Variants in TIAM1 observed in about 807,000 individuals in gnomAD.
TIAM1 encodes rho guanine nucleotide exchange factor TIAM1.
Under a neutral mutation model 163.5 loss-of-function variants are expected in TIAM1, and 65 were observed. The ratio of observed to expected loss-of-function variants is 0.40; its 90% CI spans 0.33 to 0.49. The LOEUF (loss-of-function observed/expected upper bound fraction) is 0.49. Ranked by LOEUF, TIAM1 falls within the 20% of genes least tolerant of loss-of-function variation. The pLI, the probability that TIAM1 is intolerant of heterozygous loss-of-function variation, is 0.77. For missense variants in TIAM1, 1,789 were observed against 2,044.7 expected (o/e 0.87, Z 2.41); for synonymous variants, 833 against 810.1 (o/e 1.03, Z -0.48).
At chr21:31,418,378 TG>T (rs1329214745) in intron 2 of TIAM1, among the ~76,000 whole-genome samples, 1 of 146,104 alleles carries the variant, frequency 6.8e-6, no homozygotes, top group Non-Finnish European at 1.5e-5. Flanking sequence ...AGTTGCCCTC[TG>T]GCTACTGTTT....
At chr21:31,519,734 A>G (rs1407173280) in intron 1 of TIAM1, among the ~76,000 whole-genome samples, 1 of 152,190 alleles carries the variant, frequency 6.6e-6, no homozygotes, top group African/African-American at 2.4e-5. Context: ...AAAGGGAAGG[A>G]AATTCTGGCA....
At chr21:31,505,472 C>A in intron 1 of TIAM1, among the ~76,000 whole-genome samples, 1 of 152,122 alleles carries the variant, frequency 6.6e-6, no homozygotes, top group Non-Finnish European at 1.5e-5. Flanking sequence ...GCCAAGCTCA[C>A]TGGTGTCATT....
At position 31,202,913 on chromosome 21, in the gene TIAM1, C is replaced by G. The variant is rs1293753315; in HGVS notation, c.2488G>C (p.Glu830Gln). 2.5e-6 allele frequency: 4 copies of G among 1,613,606 alleles called. No homozygotes were observed. The highest frequency in any genetic ancestry group is 2.5e-6 in the Non-Finnish European group (3 of 1,179,678). ...YVPQPEEDIY[E>Q]LLYKEIEICP... ...GACAACAGTCATAACATTACCAGCT[C>G]ATAGATGTCTTCCTCGGGCTGTGGA... Residue 830 changes from glutamate (E) to glutamine (Q), a missense_variant, in exon 12 of 28, where the codon GAG becomes CAG. Coordinates refer to ENST00000541036, the MANE Select transcript of TIAM1 (RefSeq NM_001353694.2).
rs184461489 is a variant in TIAM1 at position 31,441,922 on chromosome 21, G to A, written c.-369+22061C>T. On this transcript the variant is annotated intron_variant, in intron 2 of 28. Transcript: ENST00000286827. ...AATACAAAAATTAGCCAGGCAGGGT[G>A]GCACATGCCTGGAGTCTCAGCTACT... Among the ~76,000 whole-genome samples the A allele has an allele frequency of 8.2e-3, 1,222 of 149,380 alleles. 12 individuals are homozygous for A. Among genetic ancestry groups the A allele is most frequent in the Middle Eastern group, 0.028 (8 of 290 alleles).
chr21:31,358,604 T>C (rs2076353882), intron 2 of TIAM1, among the ~76,000 whole-genome samples: 1 of 152,156 alleles, frequency 6.6e-6, no homozygotes, highest in Admixed American at 6.5e-5. Context: ...TTGCCTTCCC[T>C]TTCCTTTCAC....
At chr21:31,134,786 C>T (rs2082555595) in intron 23 of TIAM1, among the ~76,000 whole-genome samples, 2 of 152,192 alleles carry the variant, frequency 1.3e-5, no homozygotes, top group Admixed American at 1.3e-4. Context: ...GCTGGGATTA[C>T]AGGTGTGAGC....
At chr21:31,249,737 AAC>A (rs926149671) in intron 5 of TIAM1, among the ~76,000 whole-genome samples, 7 of 152,124 alleles carry the variant, frequency 4.6e-5, no homozygotes, top group African/African-American at 1.7e-4. Context: ...ATAACCCTGT[AAC>A]ACCTCCAAGT....
At chr21:31,124,411 G>GC (rs2082110773) in intron 27 of TIAM1, 111 bp downstream of exon 27, 1 of 1,450,378 alleles carries the variant, frequency 6.9e-7, no homozygotes, top group African/African-American at 1.4e-5. Context: ...TCCTACATCA[G>GC]CCCCCACCAG....
rs140552992 is a variant in TIAM1, at chr21:31,301,660, C to T, written c.-188-24752G>A. Reference sequence around the variant, plus strand: ...TTCGAGACAAGCCTGGCCAACATGGCGAAACCCCCTCTTTACTAAAAATAT... The same window carrying T: ...TTCGAGACAAGCCTGGCCAACATGGTGAAACCCCCTCTTTACTAAAAATAT... On this transcript the variant is annotated intron_variant, in intron 2 of 27. Transcript: ENST00000541036. Among the ~76,000 whole-genome samples the T allele has an allele frequency of 4.4e-3, 665 of 151,920 alleles. 4 individuals carry two copies. Among genetic ancestry groups the T allele is most frequent in the African/African-American group, 0.015 (624 of 41,436 alleles).
chr21:31,546,033 C>T (rs971849917), intron 1 of TIAM1, among the ~76,000 whole-genome samples: 1 of 151,262 alleles, frequency 6.6e-6, no homozygotes, highest in African/African-American at 2.4e-5. Flanking sequence ...AAATAAGTTG[C>T]TTTTATACAG....
At chr21:31,136,102 G>A (rs1317491339) in intron 22 of TIAM1, 61 bp from the exon 23 acceptor site, 4 of 1,407,058 alleles carry the variant, frequency 2.8e-6, no homozygotes, top group African/African-American at 2.8e-5. Context: ...AGATTTTCAT[G>A]ATGTTTGAAA....
chr21:31,529,744 T>TA (rs1361882011), intron 1 of TIAM1, among the ~76,000 whole-genome samples: 2 of 151,210 alleles, frequency 1.3e-5, no homozygotes, highest in Non-Finnish European at 2.9e-5. Flanking sequence ...TTTATAAACT[T>TA]AAAGTCCATG....
intron 2 of TIAM1, among the ~76,000 whole-genome samples, chr21:31,404,184 C>A (rs1435953023): frequency 6.6e-6 from 1 of 152,120 alleles, no homozygotes; most frequent in Non-Finnish European, 1.5e-5. Context: ...ACACAATGAC[C>A]TTGAATTATC....
intron 2 of TIAM1, among the ~76,000 whole-genome samples, chr21:31,362,592 G>A (rs575976161): frequency 3.9e-4 from 59 of 151,670 alleles, no homozygotes; most frequent in African/African-American, 1.4e-3. Flanking sequence ...TCAGCCTCCC[G>A]AGCAGCTGTG....
intron 1 of TIAM1, among the ~76,000 whole-genome samples, chr21:31,464,573 T>G (rs963182013): frequency 2.0e-5 from 3 of 152,024 alleles, no homozygotes; most frequent in Non-Finnish European, 2.9e-5. Context: ...CCGGGTGCGG[T>G]GGCTCACGCC....
chr21:31,558,836 G>C (rs564799762), intron 1 of TIAM1: 2 of 152,224 alleles, frequency 1.3e-5, no homozygotes, highest in African/African-American at 4.8e-5. Flanking sequence ...AACGTGCCCG[G>C]CACGGGCACC....
intron 1 of TIAM1, among the ~76,000 whole-genome samples, chr21:31,526,435 TC>T (rs1200234050): frequency 6.6e-6 from 1 of 152,236 alleles, no homozygotes; most frequent in African/African-American, 2.4e-5. Context: ...TGAGCTGAGT[TC>T]ATTTAGCAAA....
Position 31,141,549 on chromosome 21 carries a change from G to GACT in TIAM1, c.3476-48_3476-46dup. 1 of 1,591,450 alleles carries GACT rather than the reference G, an allele frequency of 6.3e-7. No individual in the cohort carries two copies. On this transcript the variant is annotated intron_variant, in intron 20 of 27. Transcript: ENST00000541036. This position sits in a 1 kb window ranked among gnomAD's most constrained non-coding sequence, Gnocchi z 4.7. ...GGTCATGGGGGTGGAACGCCCACGT[G>GACT]ACTCCCTTCCCACAATTTCCCTCCC... is the stretch of plus-strand genomic sequence containing the variant.
At chr21:31,289,127 T>G (rs1601837575) in intron 2 of TIAM1, among the ~76,000 whole-genome samples, 1 of 152,210 alleles carries the variant, frequency 6.6e-6, no homozygotes, top group Admixed American at 6.5e-5. Flanking sequence ...TCATTTAACT[T>G]TTCTGTGAGT....
Sources: gnomAD v4.1 joint callset for allele counts (sites outside exome capture counted in the v4.1 genomes callset) on GRCh38, gnomAD v4.1.1 for gene constraint, Gnocchi (gnomAD v3.1) non-coding constraint, MANE v1.5 for transcripts, NCBI Gene and HGNC (gene_info 2026-07-23, HGNC 2026-07-21) for gene names.